SND1: variants seen among roughly 807,000 people sequenced by gnomAD.
SND1 encodes the protein staphylococcal nuclease domain-containing protein 1.
In SND1, 38 loss-of-function variants were observed where a neutral mutation model predicts 121.7. That is an observed-to-expected ratio of 0.31 (90% CI 0.24 to 0.41). The LOEUF (loss-of-function observed/expected upper bound fraction) is 0.41, where lower values mean the gene tolerates loss of function less well. SND1 is among the 10% of genes least tolerant of loss of function. SND1 has a pLI of 1.00. For synonymous variants in SND1, 401 were observed against 447.4 expected, an observed-to-expected ratio of 0.90 and a Z score of 1.31; for missense variants, 868 against 1,184.6, an observed-to-expected ratio of 0.73 and a Z score of 3.92.
intron 10 of SND1, among the ~76,000 whole-genome samples, chr7:127,727,895 G>T (rs1414722233): frequency 1.3e-5 from 2 of 151,992 alleles, no homozygotes. Context: ...AAGATTCCAG[G>T]ATATATATGT....
intron 16 of SND1, among the ~76,000 whole-genome samples, chr7:128,045,052 T>C (rs989671773): frequency 1.3e-5 from 2 of 152,116 alleles, no homozygotes; most frequent in African/African-American, 4.8e-5. Flanking sequence ...TGCACATAGA[T>C]AGCGTGGAAA....
chr7:127,885,285 C>T (rs1169180573), intron 12 of SND1, among the ~76,000 whole-genome samples: 1 of 152,126 alleles, frequency 6.6e-6, no homozygotes, highest in African/African-American at 2.4e-5. Flanking sequence ...GAAGAGAACA[C>T]ATGTGATTCT....
chr7:128,008,405 A>T (rs1803034815), intron 16 of SND1, among the ~76,000 whole-genome samples: 1 of 151,754 alleles, frequency 6.6e-6, no homozygotes, highest in Admixed American at 6.5e-5. Flanking sequence ...CAAGCTTCAG[A>T]TAAGCCCGGA....
chr7:127,789,584 A>G (rs1001903818), intron 10 of SND1, among the ~76,000 whole-genome samples: 1 of 152,190 alleles, frequency 6.6e-6, no homozygotes, highest in African/African-American at 2.4e-5. Flanking sequence ...CAGCACCCAA[A>G]CAGGCAAAAG....
chr7:127,812,543 G>A (rs1263358928), intron 11 of SND1, among the ~76,000 whole-genome samples: 1 of 152,204 alleles, frequency 6.6e-6, no homozygotes, highest in Non-Finnish European at 1.5e-5. Flanking sequence ...TGACTTCTGG[G>A]AGCATCAGGG....
intron 10 of SND1, among the ~76,000 whole-genome samples, chr7:127,799,388 G>A (rs1482464572): frequency 6.6e-6 from 1 of 152,174 alleles, no homozygotes; most frequent in Non-Finnish European, 1.5e-5. Flanking sequence ...ACTGCTATCA[G>A]CATTAAGCCT....
At position 127,673,367 on chromosome 7, in the gene SND1, A is replaced by G. The variant is rs569875951; in HGVS notation, c.79-13246A>G. ...CGCTCTGTCGCCCAGGCTGGCTTAC[A>G]GTGATGTGATCTCAGCTCACTGCAG... On this transcript the variant is annotated intron_variant, in intron 1 of 23. Coordinates refer to ENST00000354725, the MANE Select transcript of SND1 (RefSeq NM_014390.4). Among the ~76,000 whole-genome samples the G allele has an allele frequency of 2.6e-3, 397 of 152,222 alleles. 1 individual carries two copies. Among genetic ancestry groups the G allele is most frequent in the Admixed American group, 5.2e-3 (79 of 15,290 alleles).
intron 10 of SND1, among the ~76,000 whole-genome samples, chr7:127,730,012 G>A (rs1796646332): frequency 6.6e-6 from 1 of 152,202 alleles, no homozygotes; most frequent in Admixed American, 6.5e-5. Context: ...TGCCCAGGCT[G>A]TAGTGCAATG....
intron 10 of SND1, among the ~76,000 whole-genome samples, chr7:127,794,407 C>T (rs183420988): frequency 6.6e-6 from 1 of 152,318 alleles, no homozygotes; most frequent in African/African-American, 2.4e-5. Context: ...GTTGAAGGTT[C>T]CACTGGCACC....
chr7:128,021,493 A>T (rs1456449807), intron 16 of SND1, among the ~76,000 whole-genome samples: 1 of 152,228 alleles, frequency 6.6e-6, no homozygotes, highest in Non-Finnish European at 1.5e-5. Context: ...GGGCAGGTAA[A>T]GGGAGGAAGC....
chr7:127,770,851 C>A (rs550133775), intron 10 of SND1, among the ~76,000 whole-genome samples: 1 of 152,260 alleles, frequency 6.6e-6, no homozygotes, highest in African/African-American at 2.4e-5. Flanking sequence ...TGCGGTAGTC[C>A]CTTTATAATG....
At chr7:128,054,277 A>G (rs1793099477) in intron 16 of SND1, among the ~76,000 whole-genome samples, 1 of 152,246 alleles carries the variant, frequency 6.6e-6, no homozygotes, top group South Asian at 2.1e-4. Flanking sequence ...AAGGCAAACC[A>G]GAGTGGGGAG....
At chr7:127,847,060 G>T (rs1799078157) in intron 12 of SND1, among the ~76,000 whole-genome samples, 2 of 152,106 alleles carry the variant, frequency 1.3e-5, no homozygotes, top group African/African-American at 4.8e-5. Flanking sequence ...CTGAGATCAG[G>T]AGTTTGAGAG....
intron 10 of SND1, among the ~76,000 whole-genome samples, chr7:127,793,572 G>A (rs191102008): frequency 2.7e-4 from 41 of 152,054 alleles, no homozygotes; most frequent in Admixed American, 2.6e-3. Flanking sequence ...TTGTCACAAC[G>A]CAATGGTGAT....
At chr7:127,765,554 C>G (rs1434302108) in intron 10 of SND1, among the ~76,000 whole-genome samples, 5 of 152,226 alleles carry the variant, frequency 3.3e-5, no homozygotes, top group Non-Finnish European at 5.9e-5. Flanking sequence ...TTTTCTCAAT[C>G]TCTTGTAAGT....
chr7:128,029,013 A>G lies in SND1; in HGVS notation c.1779+37957A>G, dbSNP rs915342400. 1 of 1,613,658 alleles carries G rather than the reference A, an allele frequency of 6.2e-7. No individual in the cohort carries two copies. On this transcript the variant is annotated intron_variant, in intron 16 of 23. Coordinates refer to ENST00000354725, the MANE Select transcript of SND1 (RefSeq NM_014390.4). This position sits in a 1 kb window ranked among gnomAD's most constrained non-coding sequence, Gnocchi z 4.2. ...ACGAAGTTTATAGAAGACAATCAAC[A>G]TGGCGGCAGCTAGCAGAGTCACTGC... is the stretch of plus-strand genomic sequence containing the variant.
Position 128,085,397 on chromosome 7 carries a change from G to T in SND1, c.2235-314G>T, listed in dbSNP as rs1418848232. 6.6e-6 allele frequency among the ~76,000 whole-genome samples: 1 copy of T among 152,198 alleles called. No homozygotes were observed. Among genetic ancestry groups the T allele is most frequent in the Non-Finnish European group, 1.5e-5 (1 of 68,036 alleles). ...GCAGATCTGCTGGCTAATTACAGCT[G>T]CTGTTTAGTGCACTGGGTTTAAACA... On this transcript the variant is annotated intron_variant, in intron 19 of 23. Coordinates refer to ENST00000354725, the MANE Select transcript of SND1 (RefSeq NM_014390.4). This position sits in a 1 kb window ranked among gnomAD's most constrained non-coding sequence, Gnocchi z 4.4.
chr7:128,056,504 AT>A (rs1419335086), intron 16 of SND1, among the ~76,000 whole-genome samples: 7 of 152,244 alleles, frequency 4.6e-5, no homozygotes, highest in Non-Finnish European at 1.0e-4. Flanking sequence ...TGGCATCTGT[AT>A]TTCCATTTCA....
intron 17 of SND1, among the ~76,000 whole-genome samples, chr7:128,076,765 C>T (rs569658809): frequency 6.6e-6 from 1 of 152,278 alleles, no homozygotes; most frequent in South Asian, 2.1e-4. Context: ...TCTGTGAGAC[C>T]AGGAAGTGCA....
Sources: gnomAD v4.1 joint callset for allele counts (sites outside exome capture counted in the v4.1 genomes callset) on GRCh38, gnomAD v4.1.1 for gene constraint, Gnocchi (gnomAD v3.1) non-coding constraint, MANE v1.5 for transcripts, NCBI Gene and HGNC (gene_info 2026-07-23, HGNC 2026-07-21) for gene names.